Variants in ERBB4 observed in about 807,000 individuals in gnomAD.
ERBB4 encodes erb-b2 receptor tyrosine kinase 4.
ERBB4 carries 42 observed loss-of-function variants against 158.0 expected under a neutral mutation model. The observed-to-expected ratio is 0.27, with a 90% confidence interval of 0.21 to 0.34. ERBB4 has a LOEUF of 0.34. ERBB4 is among the 10% of genes least tolerant of loss of function. The pLI, the probability that ERBB4 is intolerant of heterozygous loss-of-function variation, is 1.00. For missense variants in ERBB4, 1,333 were observed against 1,624.1 expected, an observed-to-expected ratio of 0.82 and a Z score of 3.08; for synonymous variants, 583 against 558.7, an observed-to-expected ratio of 1.04 and a Z score of -0.61.
intron 1 of ERBB4, among the ~76,000 whole-genome samples, chr2:212,329,598 C>T (rs16848380): frequency 0.092 from 13,922 of 151,990 alleles, 711 homozygotes; most frequent in African/African-American, 0.13. Context: ...GAAATAGCAA[C>T]GTCAGGCTCC....
At chr2:212,246,788 T>C (rs13408933) in intron 1 of ERBB4, among the ~76,000 whole-genome samples, 65,694 of 151,964 alleles carry the variant, frequency 0.43, 15,254 homozygotes, top group East Asian at 0.76. Flanking sequence ...AGGAAATCTT[T>C]AGTGTAAATA....
intron 3 of ERBB4, among the ~76,000 whole-genome samples, chr2:211,923,100 G>A (rs917759875): frequency 4.6e-5 from 7 of 152,072 alleles, no homozygotes; most frequent in African/African-American, 1.7e-4. Context: ...ATTCATAGGA[G>A]AATTCTGATA....
rs569411103 is a variant in ERBB4, at chr2:211,673,067, A to G, written c.1716+97T>C. ...ACATGTTTCCCCATGGCATCCTGTA[A>G]GTAGCTATTGAATGGATGAATAAAT... On this transcript the variant is annotated intron_variant, in intron 14 of 27. Transcript: ENST00000342788. The G allele has an allele frequency of 1.3e-3, 1,228 of 952,248 alleles. 3 individuals carry two copies. Among genetic ancestry groups the G allele is most frequent in the Non-Finnish European group, 1.8e-3 (1,036 of 583,716 alleles). The allele number at this position is 952,248 out of a possible 1,614,324, so 59.0% of individuals were successfully genotyped here. A position where few individuals can be genotyped will look rare whatever the true frequency, so the allele number is the denominator to read the frequency against.
intron 1 of ERBB4, among the ~76,000 whole-genome samples, chr2:212,528,832 C>A (rs561540414): frequency 6.6e-5 from 10 of 152,274 alleles, no homozygotes; most frequent in African/African-American, 2.4e-4. Flanking sequence ...CATCACCTCT[C>A]AGTTCAGTTA....
Position 211,540,205 on chromosome 2 carries a change from T to TATATATATATAC in ERBB4, c.2487+21697_2487+21698insGTATATATATAT, listed in dbSNP as rs60602351. ...TACATGATTTATATATATATATATA[T>TATATATATATAC]ACACACACACATATATATAATACAT... On this transcript the variant is annotated intron_variant, in intron 20 of 27. Coordinates refer to ENST00000342788, the MANE Select transcript of ERBB4 (RefSeq NM_005235.3). Among the ~76,000 whole-genome samples, 1,009 of 147,804 alleles carry TATATATATATAC rather than the reference T, an allele frequency of 6.8e-3. 8 individuals carry two copies. Among genetic ancestry groups the TATATATATATAC allele is most frequent in the East Asian group, 0.026 (130 of 4,928 alleles).
chr2:211,473,686 C>T (rs532674416), intron 20 of ERBB4, among the ~76,000 whole-genome samples: 2 of 152,108 alleles, frequency 1.3e-5, no homozygotes, highest in African/African-American at 4.8e-5. Flanking sequence ...CAAATGTTTA[C>T]AGCCTGGACT....
At chr2:211,532,351 C>A (rs532134191) in intron 20 of ERBB4, among the ~76,000 whole-genome samples, 1 of 151,856 alleles carries the variant, frequency 6.6e-6, no homozygotes, top group Non-Finnish European at 1.5e-5. Context: ...TTTACCCTGA[C>A]GAGATTATTA....
At chr2:211,998,282 C>A (rs2076015882) in intron 2 of ERBB4, among the ~76,000 whole-genome samples, 1 of 151,418 alleles carries the variant, frequency 6.6e-6, no homozygotes, top group African/African-American at 2.4e-5. Flanking sequence ...TTTCTTTGAT[C>A]TTTATAGTAG....
intron 20 of ERBB4, among the ~76,000 whole-genome samples, chr2:211,544,830 C>G (rs2066901169): frequency 6.6e-6 from 1 of 151,986 alleles, no homozygotes; most frequent in African/African-American, 2.4e-5. Context: ...GTTTCAAACA[C>G]AACACTTAGA....
At chr2:211,773,001 C>T (rs1429483683) in intron 4 of ERBB4, among the ~76,000 whole-genome samples, 3 of 139,094 alleles carry the variant, frequency 2.2e-5, no homozygotes, top group African/African-American at 8.3e-5. Flanking sequence ...CCAGGTTGCT[C>T]TCAAATTCCA....
At chr2:212,226,806 T>C (rs1342749122) in intron 1 of ERBB4, among the ~76,000 whole-genome samples, 1 of 152,084 alleles carries the variant, frequency 6.6e-6, no homozygotes, top group Non-Finnish European at 1.5e-5. Flanking sequence ...GTCAAGCTCC[T>C]AAATTCATAG....
intron 4 of ERBB4, among the ~76,000 whole-genome samples, chr2:211,773,231 G>A (rs2075761375): frequency 6.6e-6 from 1 of 151,158 alleles, no homozygotes; most frequent in Middle Eastern, 3.4e-3. Flanking sequence ...CCAGAGAGGT[G>A]AAGCTATGGA....
chr2:212,374,772 T>C (rs1310085881), intron 1 of ERBB4, among the ~76,000 whole-genome samples: 1 of 152,042 alleles, frequency 6.6e-6, no homozygotes, highest in East Asian at 1.9e-4. Context: ...TAAAGAAAAT[T>C]GCATATGATT....
intron 2 of ERBB4, among the ~76,000 whole-genome samples, chr2:212,008,413 G>A (rs1007044908): frequency 1.3e-5 from 2 of 151,934 alleles, no homozygotes; most frequent in South Asian, 2.1e-4. Flanking sequence ...TTATCATTAC[G>A]TTGGACACCA....
chr2:212,481,365 T>A (rs1002729494), intron 1 of ERBB4, among the ~76,000 whole-genome samples: 6 of 152,288 alleles, frequency 3.9e-5, no homozygotes, highest in East Asian at 1.9e-4. Flanking sequence ...ATTTAAAAAA[T>A]CACTCTATGC....
intron 20 of ERBB4, among the ~76,000 whole-genome samples, chr2:211,548,015 C>A (rs2066986277): frequency 6.6e-6 from 1 of 152,042 alleles, no homozygotes; most frequent in Non-Finnish European, 1.5e-5. Context: ...AAGTGAGAAA[C>A]CTTCATATTT....
chr2:211,961,581 T>C (rs2081181005), intron 2 of ERBB4, among the ~76,000 whole-genome samples: 1 of 152,112 alleles, frequency 6.6e-6, no homozygotes, highest in Non-Finnish European at 1.5e-5. Flanking sequence ...TCTCAGACAT[T>C]TGACATTCTT....
chr2:211,385,556 C>A (rs1049908371), intron 27 of ERBB4, among the ~76,000 whole-genome samples: 3 of 152,098 alleles, frequency 2.0e-5, no homozygotes, highest in African/African-American at 7.2e-5. Flanking sequence ...TCTCTCTTAC[C>A]AGATTCCTTA....
chr2:212,449,057 G>C (rs2092407399), intron 1 of ERBB4, among the ~76,000 whole-genome samples: 1 of 151,936 alleles, frequency 6.6e-6, no homozygotes, highest in Non-Finnish European at 1.5e-5. Flanking sequence ...TGTGTGTTTT[G>C]TTGCTTGTTT....
Sources: gnomAD v4.1 joint callset for allele counts (sites outside exome capture counted in the v4.1 genomes callset) on GRCh38, gnomAD v4.1.1 for gene constraint, MANE v1.5 for transcripts, NCBI Gene and HGNC (gene_info 2026-07-23, HGNC 2026-07-21) for gene names.